The following TTC29 variants were observed in gnomAD, a reference collection of about 807,000 sequenced individuals.
TTC29 encodes the protein tetratricopeptide repeat protein 29.
TTC29 carries 49 observed loss-of-function variants against 58.1 expected under a neutral mutation model. The observed-to-expected ratio is 0.84, with a 90% CI of 0.67 to 1.07. TTC29 has a LOEUF of 1.07. Ranked by LOEUF, TTC29 falls within the 50% of genes least tolerant of loss-of-function variation. The pLI is 0.00. For synonymous variants in TTC29, 209 were observed against 196.8 expected (o/e 1.06, Z -0.52); for missense variants, 582 against 555.6 (o/e 1.05, Z -0.48).
At chr4:146,756,962 A>T (rs186092480) in intron 11 of TTC29, among the ~76,000 whole-genome samples, 282 of 152,010 alleles carry the variant, frequency 1.9e-3, no homozygotes, top group African/African-American at 6.2e-3. Flanking sequence ...ATTTCCTTGC[A>T]TTGGGCTTTG....
At chr4:146,724,347 C>G (rs1743604560) in intron 11 of TTC29, among the ~76,000 whole-genome samples, 1 of 152,040 alleles carries the variant, frequency 6.6e-6, no homozygotes, top group Non-Finnish European at 1.5e-5. Flanking sequence ...AGTAACAAAC[C>G]TGCATGTGTA....
chr4:146,926,158 CTA>C (rs1268597889), intron 4 of TTC29, among the ~76,000 whole-genome samples: 3 of 152,118 alleles, frequency 2.0e-5, no homozygotes, highest in South Asian at 2.1e-4. Flanking sequence ...CTCTAAATAA[CTA>C]TTTTGTTGCA....
intron 4 of TTC29, among the ~76,000 whole-genome samples, chr4:146,919,481 A>T (rs1325577232): frequency 6.6e-6 from 1 of 150,966 alleles, no homozygotes; most frequent in Non-Finnish European, 1.5e-5. Context: ...ATATCACAGG[A>T]CTACAAAGAG....
chr4:146,756,854 A>G (rs1746489127), intron 11 of TTC29, among the ~76,000 whole-genome samples: 1 of 151,902 alleles, frequency 6.6e-6, no homozygotes, highest in Non-Finnish European at 1.5e-5. Flanking sequence ...CACATTTCTA[A>G]AAGTGTGTCC....
intron 11 of TTC29, among the ~76,000 whole-genome samples, chr4:146,720,285 C>T (rs376407065): frequency 6.6e-6 from 1 of 151,976 alleles, no homozygotes; most frequent in African/African-American, 2.4e-5. Context: ...CGACTTTAGA[C>T]GAGCTCAGTA....
intron 6 of TTC29, among the ~76,000 whole-genome samples, chr4:146,886,259 T>C (rs73852733): frequency 0.064 from 9,785 of 152,090 alleles, 1,078 homozygotes; most frequent in African/African-American, 0.22. Flanking sequence ...TCCTCTGTTG[T>C]AGGTTACGTC....
intron 11 of TTC29, among the ~76,000 whole-genome samples, chr4:146,716,628 G>A (rs574930968): frequency 6.6e-6 from 1 of 152,106 alleles, no homozygotes; most frequent in Admixed American, 6.6e-5. Flanking sequence ...GTTTTCTAAT[G>A]TATGTTGAGA....
intron 6 of TTC29, among the ~76,000 whole-genome samples, chr4:146,886,163 C>G (rs1242062294): frequency 6.6e-6 from 1 of 152,058 alleles, no homozygotes; most frequent in African/African-American, 2.4e-5. Flanking sequence ...TGATAATCAT[C>G]CTTTCTTTCA....
chr4:146,811,080 A>G (rs1482637828), intron 10 of TTC29, among the ~76,000 whole-genome samples: 2 of 152,148 alleles, frequency 1.3e-5, no homozygotes, highest in Non-Finnish European at 2.9e-5. Flanking sequence ...TGATCATTTA[A>G]ATATCTCTTC....
rs1325911754 is a variant in TTC29 at position 146,833,811 on chromosome 4, C to T, written c.972G>A (p.Leu324=). The T allele has an allele frequency of 1.9e-6, 3 of 1,612,414 alleles. No homozygotes were observed. The highest frequency in any genetic ancestry group is 2.5e-6 in the Non-Finnish European group (3 of 1,178,862). ...GRGYEAIAKV[L]QSQGEMTEAI... is the part of the protein sequence containing the mutation. ...ATGAGAATGTGCTAACTTACCTCTG[C>T]AGGACCTTGGCTATGGCTTCATAGC... The change falls in exon 9 of 13, where the codon CTG becomes CTA. Residue 324 remains leucine (L), a synonymous_variant. Transcript: ENST00000325106.
chr4:146,730,616 G>A (rs1744257995), intron 11 of TTC29, among the ~76,000 whole-genome samples: 1 of 152,182 alleles, frequency 6.6e-6, no homozygotes, highest in Non-Finnish European at 1.5e-5. Flanking sequence ...CAGCTAGTGA[G>A]GAAGAAGGAG....
At chr4:146,720,176 A>T (rs1743253716) in intron 11 of TTC29, among the ~76,000 whole-genome samples, 1 of 152,212 alleles carries the variant, frequency 6.6e-6, no homozygotes, top group Admixed American at 6.5e-5. Flanking sequence ...GAAGAAATCA[A>T]TATAGATCTG....
intron 7 of TTC29, among the ~76,000 whole-genome samples, chr4:146,869,940 C>T (rs10022165): frequency 0.013 from 1,936 of 151,974 alleles, 35 homozygotes; most frequent in African/African-American, 0.044. Flanking sequence ...CTTGGCACTA[C>T]TAAAATTGAG....
intron 6 of TTC29, among the ~76,000 whole-genome samples, chr4:146,901,144 G>T (rs751276155): frequency 3.3e-5 from 5 of 152,088 alleles, no homozygotes; most frequent in Admixed American, 6.5e-5. Context: ...TTTTATATAA[G>T]GAAGAACTTA....
At chr4:146,880,923 T>C (rs940257403) in intron 6 of TTC29, among the ~76,000 whole-genome samples, 11 of 152,046 alleles carry the variant, frequency 7.2e-5, no homozygotes, top group Admixed American at 7.2e-4. Context: ...CAGCAGTGCA[T>C]TGATTACTTG....
chr4:146,846,410 C>T (rs4835351), intron 8 of TTC29, among the ~76,000 whole-genome samples: 9,347 of 152,182 alleles, frequency 0.061, 404 homozygotes, highest in Admixed American at 0.13. Context: ...GTATTTGGAA[C>T]GATTCTTCTT....
chr4:146,914,420 CT>C (rs1389398670), intron 4 of TTC29, among the ~76,000 whole-genome samples: 4 of 152,072 alleles, frequency 2.6e-5, no homozygotes, highest in African/African-American at 4.8e-5. Flanking sequence ...GAATATTAGT[CT>C]AAATTAACAG....
intron 4 of TTC29, 32 bp from the exon 5 acceptor site, chr4:146,909,281 T>G: frequency 6.6e-7 from 1 of 1,508,470 alleles, no homozygotes; most frequent in Non-Finnish European, 9.1e-7. Context: ...CTCTCAGGTT[T>G]ATGTTAATCC....
At chr4:146,776,426 G>T (rs376417583) in intron 11 of TTC29, among the ~76,000 whole-genome samples, 45 of 151,562 alleles carry the variant, frequency 3.0e-4, no homozygotes, top group African/African-American at 1.0e-3. Flanking sequence ...CTTTGAAGCT[G>T]CTGTCCTTTG....
Sources: allele counts gnomAD v4.1 joint callset (sites outside exome capture counted in the v4.1 genomes callset), GRCh38; gene constraint gnomAD v4.1.1; transcripts MANE v1.5; gene names NCBI Gene and HGNC (gene_info 2026-07-23, HGNC 2026-07-21).